The following PRKCZ variants were observed in gnomAD, a reference collection of about 807,000 sequenced individuals.
The protein encoded by PRKCZ is protein kinase C zeta type.
PRKCZ carries 33 observed loss-of-function variants against 79.5 expected under a neutral mutation model. That is an observed-to-expected ratio of 0.41 (90% confidence interval 0.31 to 0.55). The LOEUF (loss-of-function observed/expected upper bound fraction) is 0.55. Among genes scored for constraint, PRKCZ ranks in the 20% least tolerant of loss-of-function variants. PRKCZ has a pLI of 0.19. For missense variants in PRKCZ, 578 were observed against 813.5 expected (o/e 0.71, Z 3.52); for synonymous variants, 342 against 320.9 (o/e 1.07, Z -0.70).
At chr1:2,109,358 C>T (rs1267907411) in intron 4 of PRKCZ, among the ~76,000 whole-genome samples, 4 of 152,222 alleles carry the variant, frequency 2.6e-5, no homozygotes, top group African/African-American at 4.8e-5. Context: ...CTGGGAGCCA[C>T]CTTCCCTTGT....
chr1:2,184,793 A>C, intron 17 of PRKCZ, 95 bp downstream of exon 17: 1 of 1,401,622 alleles, frequency 7.1e-7, no homozygotes, highest in Admixed American at 2.0e-5. Flanking sequence ...CCTGCCCTTG[A>C]GTCCCACCCG....
intron 4 of PRKCZ, among the ~76,000 whole-genome samples, chr1:2,079,572 C>A (rs1405396677): frequency 1.3e-5 from 2 of 152,206 alleles, no homozygotes; most frequent in South Asian, 4.1e-4. Context: ...CATAAGTGAG[C>A]GTGATGGTAA....
rs983244176 is a variant in PRKCZ, at chr1:2,149,636, G to A, written c.687+712G>A. On this transcript the variant is annotated intron_variant, in intron 8 of 17. Coordinates refer to ENST00000378567, the MANE Select transcript of PRKCZ (RefSeq NM_002744.6). This position sits in a 1 kb window ranked among gnomAD's most constrained non-coding sequence, Gnocchi z 4.1. ...AGCATTTTGGGAGGCTGCGCACATC[G>A]CTTGAGTCCAGGAGCTCGAGAACAG... 6.6e-6 allele frequency among the ~76,000 whole-genome samples: 1 copy of A among 152,162 alleles called. No homozygotes were observed. The highest frequency in any genetic ancestry group is 1.5e-5 in the Non-Finnish European group (1 of 68,044).
intron 5 of PRKCZ, chr1:2,143,977 C>T (rs917173163): frequency 1.1e-4 from 56 of 519,252 alleles, no homozygotes; most frequent in Non-Finnish European, 1.5e-4. Flanking sequence ...TCATGCAGAG[C>T]AGGGTTCCAG....
chr1:2,155,133 C>CGATGATGGT (rs1277295439), intron 9 of PRKCZ, among the ~76,000 whole-genome samples: 1 of 151,520 alleles, frequency 6.6e-6, no homozygotes, highest in South Asian at 2.1e-4. Context: ...ATGATGGTGA[C>CGATGATGGT]GATGATGGTG....
At chr1:2,071,557 G>C (rs976849183) in intron 4 of PRKCZ, 2 of 180,220 alleles carry the variant, frequency 1.1e-5, no homozygotes, top group South Asian at 8.1e-5. Flanking sequence ...CAAATTATTT[G>C]CAACAAACTG....
At chr1:2,119,188 A>G (rs1022548680) in intron 4 of PRKCZ, among the ~76,000 whole-genome samples, 8 of 149,662 alleles carry the variant, frequency 5.3e-5, no homozygotes, top group Admixed American at 1.3e-4. Flanking sequence ...TCAAAACCTT[A>G]TAACAGTTTA....
intron 4 of PRKCZ, among the ~76,000 whole-genome samples, chr1:2,061,799 T>A (rs1382316974): frequency 6.6e-6 from 1 of 152,218 alleles, no homozygotes; most frequent in Non-Finnish European, 1.5e-5. Flanking sequence ...CTTAGGGGGC[T>A]GGCGCTCTCC....
chr1:2,066,083 G>A lies in PRKCZ; in HGVS notation c.334+6492G>A, dbSNP rs1016280029. Among the ~76,000 whole-genome samples, 11 of 152,154 alleles carry A rather than the reference G, an allele frequency of 7.2e-5. No homozygotes were observed. The East Asian group carries it at 1.4e-3, about 19-fold the overall frequency. Reference sequence around the variant, plus strand: ...TATTTTCTTGAGGATTTTTACATCCGTGTTTATAAAGGACAATTACATCTG... The same window carrying A: ...TATTTTCTTGAGGATTTTTACATCCATGTTTATAAAGGACAATTACATCTG... On this transcript the variant is annotated intron_variant, in intron 4 of 17. Transcript: ENST00000378567.
intron 10 of PRKCZ, among the ~76,000 whole-genome samples, chr1:2,161,753 C>T (rs188626344): frequency 2.0e-5 from 3 of 152,186 alleles, no homozygotes; most frequent in East Asian, 1.9e-4. Context: ...ATGGCATCTC[C>T]CCTTCTCCAT....
Position 2,058,306 on chromosome 1 carries a change from A to ATT in PRKCZ, c.284-1213_284-1212dup, listed in dbSNP as rs35722361. Among the ~76,000 whole-genome samples the ATT allele has an allele frequency of 3.7e-4, 46 of 125,330 alleles. 1 individual carries two copies. Among genetic ancestry groups the ATT allele is most frequent in the East Asian group, 9.2e-4 (4 of 4,330 alleles). 82.2% of individuals were successfully genotyped at this position (125,330 alleles called of 152,430 possible). A position where few individuals can be genotyped will look rare whatever the true frequency, so the allele number is the denominator to read the frequency against. On this transcript the variant is annotated intron_variant, in intron 3 of 17. Transcript: ENST00000378567. The stretch of plus-strand genomic sequence containing the variant: ...GCGTGAGCCACGGTGCCCGGCCCCA[A>ATT]TTTTTTTTTTTTTTTTTTTTTTTGA...
chr1:2,079,194 G>A (rs764775363), intron 4 of PRKCZ, among the ~76,000 whole-genome samples: 4 of 152,198 alleles, frequency 2.6e-5, no homozygotes, highest in East Asian at 1.9e-4. Flanking sequence ...AAGGCATATC[G>A]CACTTTTTCT....
chr1:2,115,574 C>G (rs1398500585), intron 4 of PRKCZ, among the ~76,000 whole-genome samples: 1 of 152,202 alleles, frequency 6.6e-6, no homozygotes, highest in Non-Finnish European at 1.5e-5. Context: ...AGGGCTCATT[C>G]CCACAAGCCT....
intron 4 of PRKCZ, among the ~76,000 whole-genome samples, chr1:2,078,905 T>C (rs1334632992): frequency 6.7e-6 from 1 of 149,990 alleles, no homozygotes; most frequent in East Asian, 2.0e-4. Context: ...TGCAGTGGCG[T>C]GATTTCGGCT....
At chr1:2,146,760 G>C (rs532241948) in intron 7 of PRKCZ, among the ~76,000 whole-genome samples, 28 of 152,256 alleles carry the variant, frequency 1.8e-4, no homozygotes, top group Admixed American at 1.4e-3. Context: ...GCACTTATGA[G>C]ACCACAGAAC....
At chr1:2,074,000 G>A in intron 4 of PRKCZ, 1 of 1,419,912 alleles carries the variant, frequency 7.0e-7, no homozygotes, top group Non-Finnish European at 9.2e-7. Context: ...TGCAGGCCCT[G>A]TGCGTGCGGA....
chr1:2,051,906 C>T (rs1293896092), intron 1 of PRKCZ, among the ~76,000 whole-genome samples: 1 of 152,136 alleles, frequency 6.6e-6, no homozygotes, highest in Non-Finnish European at 1.5e-5. Context: ...CTGGAACCTT[C>T]GGGGTGCAGT....
At chr1:2,059,688 G>T in intron 4 of PRKCZ, 97 bp downstream of exon 4, 1 of 1,493,468 alleles carries the variant, frequency 6.7e-7, no homozygotes, top group South Asian at 1.2e-5. Flanking sequence ...GTTTTCGGAG[G>T]TTCACCCTCG....
At chr1:2,146,731 GGAGACCACAGAACATAAAGCACTTAT>G (rs1429538619) in intron 7 of PRKCZ, among the ~76,000 whole-genome samples, 2 of 152,238 alleles carry the variant, frequency 1.3e-5, no homozygotes, top group South Asian at 4.1e-4. Flanking sequence ...TGTCTCATTG[GGAGACCACAGAACATAAAGCACTTAT>G]GAGACCACAG....
Sources: allele counts gnomAD v4.1 joint callset (sites outside exome capture counted in the v4.1 genomes callset), GRCh38; gene constraint gnomAD v4.1.1; non-coding constraint Gnocchi (gnomAD v3.1); transcripts MANE v1.5; gene names NCBI Gene and HGNC (gene_info 2026-07-23, HGNC 2026-07-21).